The following GABRB1 variants were observed in gnomAD, a reference collection of about 807,000 sequenced individuals.
The protein encoded by GABRB1 is gamma-aminobutyric acid type A receptor subunit beta1.
Under a neutral mutation model 51.6 loss-of-function variants are expected in GABRB1, and 17 were observed. That is an observed-to-expected ratio of 0.33 (90% confidence interval 0.23 to 0.49). GABRB1 has a LOEUF of 0.49. Ranked by LOEUF, GABRB1 falls within the 20% of genes least tolerant of loss-of-function variation. The pLI, the probability that GABRB1 is intolerant of heterozygous loss-of-function variation, is 0.99. For synonymous variants in GABRB1, 247 were observed against 218.9 expected, an observed-to-expected ratio of 1.13 and a Z score of -1.14; for missense variants, 410 against 600.6, an observed-to-expected ratio of 0.68 and a Z score of 3.32.
chr4:47,389,060 G>A (rs945469905), intron 5 of GABRB1, among the ~76,000 whole-genome samples: 2 of 152,166 alleles, frequency 1.3e-5, no homozygotes, highest in African/African-American at 4.8e-5. Flanking sequence ...GTGAAAGTGA[G>A]ACTTTTTAAT....
Position 47,403,428 on chromosome 4 carries a change from G to A in GABRB1, c.655G>A (p.Val219Met), listed in dbSNP as rs1728468035. The A allele has an allele frequency of 1.2e-6, 2 of 1,613,934 alleles. No homozygotes were observed. The highest frequency in any genetic ancestry group is 1.3e-5 in the African/African-American group (1 of 74,926). The change falls in exon 6 of 9, where the codon GTG becomes ATG. Residue 219 changes from valine to methionine, a missense_variant. Val to Met is a conservative substitution (Grantham distance 21). Coordinates refer to ENST00000295454, the MANE Select transcript of GABRB1 (RefSeq NM_000812.4). ...PQFSIVDYKM[V>M]SKKVEFTTGA... is the part of the protein sequence containing the mutation. ...ATTTTCAATTGTTGACTACAAGATGGTGTCTAAGAAGGTGGAGTTCACAAC... is the reference window on the plus strand; with the variant it reads ...ATTTTCAATTGTTGACTACAAGATGATGTCTAAGAAGGTGGAGTTCACAAC...
At chr4:47,097,870 G>C (rs1338718465) in intron 3 of GABRB1, among the ~76,000 whole-genome samples, 1 of 152,048 alleles carries the variant, frequency 6.6e-6, no homozygotes, top group African/African-American at 2.4e-5. Context: ...GATTACTTAG[G>C]CTCACAATTA....
chr4:47,035,873 A>G (rs530121569), intron 3 of GABRB1, among the ~76,000 whole-genome samples: 48 of 152,332 alleles, frequency 3.2e-4, no homozygotes, highest in South Asian at 1.0e-3. Context: ...GAACTCTTGT[A>G]TTTCAAATTC....
intron 3 of GABRB1, among the ~76,000 whole-genome samples, chr4:47,038,217 C>A (rs1299856316): frequency 6.6e-6 from 1 of 152,168 alleles, no homozygotes; most frequent in Non-Finnish European, 1.5e-5. Context: ...CCACTGAGTG[C>A]AAATGATGTA....
chr4:47,059,940 A>G (rs1475802683), intron 3 of GABRB1, among the ~76,000 whole-genome samples: 2 of 152,224 alleles, frequency 1.3e-5, no homozygotes, highest in African/African-American at 4.8e-5. Context: ...CTTACAGTCC[A>G]AATCATCATT....
chr4:47,413,985 A>G (rs1728838751), intron 8 of GABRB1, among the ~76,000 whole-genome samples: 1 of 152,168 alleles, frequency 6.6e-6, no homozygotes. Flanking sequence ...TAAGTAAGCT[A>G]CCTCTGGGCC....
intron 3 of GABRB1, among the ~76,000 whole-genome samples, chr4:47,054,818 C>G (rs886330334): frequency 1.3e-5 from 2 of 152,164 alleles, no homozygotes; most frequent in African/African-American, 4.8e-5. Context: ...CTCCTGACCT[C>G]AGGTAATCCA....
intron 8 of GABRB1, among the ~76,000 whole-genome samples, chr4:47,420,975 CACAG>C (rs766446818): frequency 1.2e-3 from 172 of 148,840 alleles, no homozygotes; most frequent in Middle Eastern, 3.5e-3. Context: ...CACACACACA[CACAG>C]AGTCTGTTAA....
chr4:46,997,626 T>C (rs1724042866), intron 1 of GABRB1, among the ~76,000 whole-genome samples: 1 of 151,996 alleles, frequency 6.6e-6, no homozygotes, highest in Non-Finnish European at 1.5e-5. Flanking sequence ...CTGTGTCTGG[T>C]CTATTTCACT....
At chr4:47,173,009 C>A (rs1300347516) in intron 4 of GABRB1, among the ~76,000 whole-genome samples, 5 of 152,100 alleles carry the variant, frequency 3.3e-5, no homozygotes, top group Non-Finnish European at 5.9e-5. Flanking sequence ...AGAACTGGAG[C>A]TGAGAGAGCT....
At chr4:47,291,229 A>G (rs1228355301) in intron 4 of GABRB1, among the ~76,000 whole-genome samples, 1 of 152,202 alleles carries the variant, frequency 6.6e-6, no homozygotes, top group Non-Finnish European at 1.5e-5. Context: ...AGAGGACGGA[A>G]GCCCCAGGCC....
chr4:47,264,152 G>GAAAC (rs968498910), intron 4 of GABRB1, among the ~76,000 whole-genome samples: 1 of 151,662 alleles, frequency 6.6e-6, no homozygotes, highest in African/African-American at 2.4e-5. Context: ...AAAAACAAAA[G>GAAAC]AAACAAACAA....
intron 3 of GABRB1, among the ~76,000 whole-genome samples, chr4:47,116,565 G>C (rs952428274): frequency 3.3e-5 from 5 of 152,122 alleles, no homozygotes; most frequent in Non-Finnish European, 5.9e-5. Flanking sequence ...GGAACATATA[G>C]TGGTAAATTA....
At chr4:47,242,429 A>G (rs1034820282) in intron 4 of GABRB1, among the ~76,000 whole-genome samples, 10 of 152,212 alleles carry the variant, frequency 6.6e-5, no homozygotes, top group African/African-American at 2.4e-4. Flanking sequence ...GTCAAATGGT[A>G]TTTCTAGTTC....
At chr4:47,275,050 T>C (rs1723027029) in intron 4 of GABRB1, among the ~76,000 whole-genome samples, 1 of 152,206 alleles carries the variant, frequency 6.6e-6, no homozygotes, top group South Asian at 2.1e-4. Flanking sequence ...CTTTTTTCTC[T>C]GGATTTTGGC....
chr4:47,151,117 T>C (rs1406154807), intron 3 of GABRB1, among the ~76,000 whole-genome samples: 2 of 152,008 alleles, frequency 1.3e-5, no homozygotes, highest in Non-Finnish European at 2.9e-5. Flanking sequence ...AAATCATTCT[T>C]TCTGTTAGAA....
chr4:47,246,278 A>G (rs1423219928), intron 4 of GABRB1, among the ~76,000 whole-genome samples: 3 of 57,604 alleles, frequency 5.2e-5, no homozygotes, highest in South Asian at 9.8e-4. Context: ...GTATTCCATC[A>G]TATATATATA....
intron 5 of GABRB1, among the ~76,000 whole-genome samples, chr4:47,346,945 G>A (rs1486364495): frequency 6.6e-6 from 1 of 152,176 alleles, no homozygotes; most frequent in Non-Finnish European, 1.5e-5. Flanking sequence ...GTTATTCTTT[G>A]ACAACTGTTC....
intron 5 of GABRB1, among the ~76,000 whole-genome samples, chr4:47,333,720 C>A (rs566898754): frequency 8.5e-4 from 129 of 151,668 alleles, no homozygotes; most frequent in African/African-American, 2.7e-3. Context: ...CATCACCCCA[C>A]CCCCCCAAAA....
Sources: allele counts gnomAD v4.1 joint callset (sites outside exome capture counted in the v4.1 genomes callset), GRCh38; gene constraint gnomAD v4.1.1; transcripts MANE v1.5; gene names NCBI Gene and HGNC (gene_info 2026-07-23, HGNC 2026-07-21).